CYB561A3: variants seen among roughly 807,000 people sequenced by gnomAD.
CYB561A3 encodes lysosomal membrane ascorbate-dependent ferrireductase CYB561A3.
CYB561A3 carries 16 observed loss-of-function variants against 25.3 expected under a neutral mutation model. That is an observed-to-expected ratio of 0.63 (90% CI 0.43 to 0.96). The LOEUF is 0.96. Among genes scored for constraint, CYB561A3 ranks in the 40% least tolerant of loss-of-function variants. The probability of loss-of-function intolerance (pLI) is 0.00; values close to 1 mark genes in which losing one functional copy is unlikely to be tolerated. For synonymous variants in CYB561A3, 131 were observed against 129.9 expected (o/e 1.01, Z -0.06); for missense variants, 219 against 307.5 (o/e 0.71, Z 2.15).
chr11:61,354,076 A>G, intron 3 of CYB561A3, 84 bp from the exon 4 acceptor site: 1 of 1,403,472 alleles, frequency 7.1e-7, no homozygotes, highest in Non-Finnish European at 9.9e-7. Context: ...AGGATCCTAC[A>G]CAGCTTCCCA....
rs142797745 is a variant in CYB561A3, at chr11:61,353,266, G to T, written c.394-127C>A. On this transcript the variant is annotated intron_variant, in intron 4 of 6. Transcript: ENST00000294072. ...TTCACAACTCAAACCTTCCCACCTGGCATTGCCCACTACCGTGCTAGCTTC... is the reference window on the plus strand; with the variant it reads ...TTCACAACTCAAACCTTCCCACCTGTCATTGCCCACTACCGTGCTAGCTTC... 1.3e-4 allele frequency: 155 copies of T among 1,226,346 alleles called. No individual in the cohort carries two copies. The African/African-American group carries it at 1.5e-3, about 12-fold the overall frequency. The allele number at this position is 1,226,346 out of a possible 1,614,324, so 76.0% of individuals were successfully genotyped here.
chr11:61,350,658 C>A (rs1037679752), intron 6 of CYB561A3: 3 of 607,756 alleles, frequency 4.9e-6, no homozygotes, highest in Non-Finnish European at 8.6e-6. Context: ...GACTAGCCCC[C>A]AGGCTGGTAA....
At chr11:61,356,962 C>T (rs750116768) in intron 2 of CYB561A3, 1 of 1,455,948 alleles carries the variant, frequency 6.9e-7, no homozygotes, top group Non-Finnish European at 9.0e-7. Context: ...CCAGACAGAG[C>T]AGCAAACTCA....
At chr11:61,361,323 G>A (rs906690394) in intron 1 of CYB561A3, 1 of 152,188 alleles carries the variant, frequency 6.6e-6, no homozygotes, top group Non-Finnish European at 1.5e-5. Context: ...GGAACATGAG[G>A]AGTGAAGGGC....
rs1251031437 is a variant in CYB561A3, at chr11:61,351,141, GTTTTT to G, written c.550_554del (p.Lys184HisfsTer11). 3 of 1,606,720 alleles carry G rather than the reference GTTTTT, an allele frequency of 1.9e-6. No homozygotes were observed. The highest frequency in any genetic ancestry group is 1.7e-5 in the Admixed American group (1 of 57,924). ...GCAGGCTGTGGTATGGCCTGGTGGTGTTTTTCCTGAAGATGACAAAACAATGTGAG... is the reference window on the plus strand; with the variant it reads ...GCAGGCTGTGGTATGGCCTGGTGGTGCCTGAAGATGACAAAACAATGTGAG... On this transcript the variant is annotated frameshift_variant and splice_region_variant, in exon 6 of 7. Transcript: ENST00000294072. LOFTEE classifies it high-confidence loss of function.
In CYB561A3 at chr11:61,350,126, CA is replaced by C. The variant is rs376630188; in HGVS notation, c.*272del. The C allele has an allele frequency of 2.1e-5, 12 of 577,958 alleles. No individual in the cohort carries two copies. Among genetic ancestry groups the C allele is most frequent in the African/African-American group, 1.1e-4 (6 of 53,536 alleles). 35.8% of individuals were successfully genotyped at this position (577,958 alleles called of 1,614,324 possible). ...ACAGGCAGCAAGCAGCCAGAGAAGGCAGGCCCAGCACCCAGGCAAAGCCACC... is the reference window on the plus strand; with the variant it reads ...ACAGGCAGCAAGCAGCCAGAGAAGGCGGCCCAGCACCCAGGCAAAGCCACC... On this transcript the variant is annotated 3_prime_UTR_variant, in exon 7 of 7. Transcript: ENST00000294072.
At chr11:61,356,442 C>CATTT (rs1455735056) in intron 3 of CYB561A3, 88 bp downstream of exon 3, 21 of 1,138,000 alleles carry the variant, frequency 1.8e-5, no homozygotes, top group Non-Finnish European at 2.3e-5. Context: ...CCAAGCCCAA[C>CATTT]ATTTACAAAG....
At chr11:61,354,571 T>C (rs1857565038) in intron 3 of CYB561A3, 1 of 154,720 alleles carries the variant, frequency 6.5e-6, no homozygotes, top group Non-Finnish European at 1.4e-5. Flanking sequence ...AGCCTAAGAG[T>C]TCAAGGCTGC....
At chr11:61,353,488 G>GT in intron 4 of CYB561A3, 1 of 662,868 alleles carries the variant, frequency 1.5e-6, no homozygotes, top group Non-Finnish European at 2.8e-6. Flanking sequence ...AGAGGTGGGA[G>GT]TGGGGAAAGT....
chr11:61,357,467 C>A, intron 2 of CYB561A3: 1 of 490,846 alleles, frequency 2.0e-6, no homozygotes, highest in Non-Finnish European at 3.6e-6. Context: ...TTGATAAACC[C>A]AGAAACCAAC....
At position 61,350,263 on chromosome 11, in the gene CYB561A3, C is replaced by G. The variant is rs1430552517; in HGVS notation, c.*136G>C. 20 of 1,201,860 alleles carry G rather than the reference C, an allele frequency of 1.7e-5. No homozygotes were observed. The highest frequency in any genetic ancestry group is 7.0e-6 in the Non-Finnish European group (6 of 858,520). The allele number at this position is 1,201,860 out of a possible 1,614,324, so 74.4% of individuals were successfully genotyped here. A position where few individuals can be genotyped will look rare whatever the true frequency, so the allele number is the denominator to read the frequency against. On this transcript the variant is annotated 3_prime_UTR_variant, in exon 7 of 7. Coordinates refer to ENST00000294072, the MANE Select transcript of CYB561A3 (RefSeq NM_153611.6). The stretch of plus-strand genomic sequence containing the variant: ...GCGGCCGGAGAGGGCAGGCCAGCAC[C>G]CAGGCAAGAAGTCTGGGCCCAGCAT...
At chr11:61,360,493 TA>T (rs1417714364) in intron 1 of CYB561A3, 1 of 152,192 alleles carries the variant, frequency 6.6e-6, no homozygotes, top group African/African-American at 2.4e-5. Context: ...ATAAACATCT[TA>T]ACAAATGAGC....
intron 4 of CYB561A3, 90 bp downstream of exon 4, chr11:61,353,694 G>A: frequency 7.5e-7 from 1 of 1,331,706 alleles, no homozygotes; most frequent in Non-Finnish European, 1.1e-6. Context: ...CAAGCAGTGA[G>A]CAGAGGAATA....
chr11:61,354,289 T>G, intron 3 of CYB561A3: 1 of 427,082 alleles, frequency 2.3e-6, no homozygotes, highest in Middle Eastern at 7.1e-4. Context: ...GCCAGGAGTT[T>G]GAGGTTACAG....
chr11:61,353,702 A>G (rs1857525266), intron 4 of CYB561A3, 82 bp downstream of exon 4: 2 of 1,375,488 alleles, frequency 1.5e-6, no homozygotes, highest in Admixed American at 1.8e-5. Context: ...GAGCAGAGGA[A>G]TATTTGGTGC....
chr11:61,357,158 A>G, intron 2 of CYB561A3: 1 of 1,550,086 alleles, frequency 6.5e-7, no homozygotes, highest in Non-Finnish European at 8.7e-7. Context: ...CTAAGATAAG[A>G]AGGCAAAAAT....
rs544743543 is a variant in CYB561A3, at chr11:61,354,035, G to A, written c.185-43C>T. On this transcript the variant is annotated intron_variant, in intron 3 of 6. Coordinates refer to ENST00000294072, the MANE Select transcript of CYB561A3 (RefSeq NM_153611.6). ...GCCAGGGCTCAGCCTCTCCCCTCGA[G>A]CTCACCCAGACATCAGGGAATAACC... 1.9e-6 allele frequency: 3 copies of A among 1,605,664 alleles called. No individual in the cohort carries two copies. The South Asian group carries it at 3.3e-5, about 18-fold the overall frequency.
intron 3 of CYB561A3, chr11:61,355,905 C>G (rs1051599979): frequency 5.3e-5 from 8 of 151,598 alleles, no homozygotes; most frequent in Admixed American, 4.0e-4. Flanking sequence ...CTGGCTAACA[C>G]GGTGAAACGC....
At chr11:61,357,922 ACTC>A (rs1452891218) in intron 1 of CYB561A3, 94 bp from the exon 2 acceptor site, 1 of 152,208 alleles carries the variant, frequency 6.6e-6, no homozygotes, top group East Asian at 1.9e-4. Flanking sequence ...GATCCCATTT[ACTC>A]CTCTTAACCC....
Sources: allele counts gnomAD v4.1 joint callset, GRCh38; gene constraint gnomAD v4.1.1; transcripts MANE v1.5; gene names NCBI Gene and HGNC (gene_info 2026-07-23, HGNC 2026-07-21).